ACYP2: variants seen among roughly 807,000 people sequenced by gnomAD.
ACYP2 encodes the protein acylphosphatase 2, also known as acylphosphatase-2.
ACYP2 carries 12 observed loss-of-function variants against 11.2 expected under a neutral mutation model. The ratio of observed to expected loss-of-function variants is 1.08; its 90% CI spans 0.69 to 1.74. The LOEUF (loss-of-function observed/expected upper bound fraction) is 1.74. Ranked by LOEUF, ACYP2 falls within the 40% of genes most tolerant of loss-of-function variation. The pLI, the probability that ACYP2 is intolerant of heterozygous loss-of-function variation, is 0.00. For synonymous variants in ACYP2, 43 were observed against 32.2 expected, an observed-to-expected ratio of 1.33 and a Z score of -1.13; for missense variants, 134 against 101.9, an observed-to-expected ratio of 1.31 and a Z score of -1.35.
chr2:54,199,920 C>T (rs1005473643), intron 6 of ACYP2, among the ~76,000 whole-genome samples: 6 of 152,208 alleles, frequency 3.9e-5, no homozygotes, highest in African/African-American at 1.4e-4. Context: ...CCTCTCTGGA[C>T]GATCCACCAA....
At chr2:54,000,273 G>A (rs1672742518) in intron 2 of ACYP2, among the ~76,000 whole-genome samples, 1 of 152,030 alleles carries the variant, frequency 6.6e-6, no homozygotes, top group African/African-American at 2.4e-5. Context: ...CCAAGAAAAA[G>A]TATGTCCCCA....
chr2:54,216,937 C>T (rs1268344600), intron 6 of ACYP2, among the ~76,000 whole-genome samples: 1 of 152,208 alleles, frequency 6.6e-6, no homozygotes, highest in African/African-American at 2.4e-5. Context: ...GAAGCCCTTT[C>T]TCACTTGCTC....
At chr2:54,102,078 A>G (rs1678925692) in intron 4 of ACYP2, among the ~76,000 whole-genome samples, 1 of 152,082 alleles carries the variant, frequency 6.6e-6, no homozygotes, top group African/African-American at 2.4e-5. Flanking sequence ...TGCCTCACCT[A>G]TTCATCCCTC....
intron 4 of ACYP2, among the ~76,000 whole-genome samples, chr2:54,116,062 G>C (rs1679772456): frequency 6.6e-6 from 1 of 152,168 alleles, no homozygotes; most frequent in African/African-American, 2.4e-5. Flanking sequence ...GAATGTTGAA[G>C]TTGGGTAGGA....
At chr2:54,084,595 G>A (rs1166179597) in intron 4 of ACYP2, 1 of 152,134 alleles carries the variant, frequency 6.6e-6, no homozygotes, top group Non-Finnish European at 1.5e-5. Context: ...CTCAGCCTCA[G>A]TTTATTTTTT....
At chr2:54,277,099 G>A (rs1192359228) in intron 6 of ACYP2, among the ~76,000 whole-genome samples, 3 of 152,030 alleles carry the variant, frequency 2.0e-5, no homozygotes, top group Non-Finnish European at 2.9e-5. Flanking sequence ...CATTCTTGAG[G>A]CAAAATCTTT....
intron 2 of ACYP2, among the ~76,000 whole-genome samples, chr2:54,007,829 C>T (rs1673160628): frequency 6.6e-6 from 1 of 151,958 alleles, no homozygotes; most frequent in Non-Finnish European, 1.5e-5. Context: ...CGTGCCACTG[C>T]AGTCCAGCCT....
chr2:54,030,259 C>G (rs1674513495), intron 2 of ACYP2, among the ~76,000 whole-genome samples: 1 of 152,160 alleles, frequency 6.6e-6, no homozygotes. Context: ...CTTAGACTCT[C>G]CAATGAATCT....
intron 6 of ACYP2, among the ~76,000 whole-genome samples, chr2:54,216,266 G>C (rs974966825): frequency 6.6e-6 from 1 of 152,026 alleles, no homozygotes; most frequent in Admixed American, 6.6e-5. Context: ...TGATTATCGA[G>C]GGTTTATAAT....
intron 2 of ACYP2, chr2:54,029,589 C>A (rs931798023): frequency 1.2e-4 from 47 of 387,820 alleles, no homozygotes; most frequent in African/African-American, 8.4e-4. Context: ...CAGTTGAATC[C>A]AGGTAACTTT....
chr2:54,198,041 G>C (rs1468030201), intron 6 of ACYP2, among the ~76,000 whole-genome samples: 3 of 144,970 alleles, frequency 2.1e-5, no homozygotes, highest in Non-Finnish European at 3.0e-5. Context: ...TGTATTTTAA[G>C]ACAGTTTCAC....
chr2:54,165,529 T>TCACACACACA (rs1266993483), intron 6 of ACYP2, among the ~76,000 whole-genome samples: 8 of 143,194 alleles, frequency 5.6e-5, no homozygotes, highest in Non-Finnish European at 1.1e-4. Context: ...TCTCTCTCTC[T>TCACACACACA]CTCTCTCACA....
chr2:54,044,446 GAAA>G (rs35003111), intron 2 of ACYP2, among the ~76,000 whole-genome samples: 13 of 139,466 alleles, frequency 9.3e-5, no homozygotes, highest in Admixed American at 2.9e-4. Flanking sequence ...AATACCAAAA[GAAA>G]AAAAAAAAAA....
chr2:54,045,063 A>G (rs906090362), intron 2 of ACYP2, among the ~76,000 whole-genome samples: 8 of 152,210 alleles, frequency 5.3e-5, no homozygotes, highest in African/African-American at 1.9e-4. Flanking sequence ...TGAACATTAT[A>G]AAATGTTAAG....
intron 2 of ACYP2, among the ~76,000 whole-genome samples, chr2:54,022,236 T>A (rs1674044440): frequency 6.6e-6 from 1 of 152,132 alleles, no homozygotes; most frequent in African/African-American, 2.4e-5. Context: ...TTTGAGAAGT[T>A]GTAGATATCA....
intron 6 of ACYP2, among the ~76,000 whole-genome samples, chr2:54,274,563 G>A (rs1378796923): frequency 1.4e-5 from 2 of 144,072 alleles, no homozygotes; most frequent in East Asian, 4.0e-4. Context: ...AAAGGCCAAG[G>A]CTGCAGTGAG....
At chr2:54,284,127 A>C (rs1688972508) in intron 6 of ACYP2, among the ~76,000 whole-genome samples, 1 of 152,220 alleles carries the variant, frequency 6.6e-6, no homozygotes, top group South Asian at 2.1e-4. Context: ...AGATTATAAC[A>C]GTTCTTATAA....
At chr2:54,296,119 T>G (rs1403375981) in intron 6 of ACYP2, among the ~76,000 whole-genome samples, 1 of 152,106 alleles carries the variant, frequency 6.6e-6, no homozygotes, top group Non-Finnish European at 1.5e-5. Flanking sequence ...AATAAACACA[T>G]AGACAATCAC....
intron 6 of ACYP2, among the ~76,000 whole-genome samples, chr2:54,252,377 G>C (rs1300608877): frequency 6.6e-6 from 1 of 151,990 alleles, no homozygotes; most frequent in Non-Finnish European, 1.5e-5. Flanking sequence ...CTTTATGCAT[G>C]TCTTTGAGTG....
Sources: allele counts gnomAD v4.1 joint callset (sites outside exome capture counted in the v4.1 genomes callset), GRCh38; gene constraint gnomAD v4.1.1; transcripts MANE v1.5; gene names NCBI Gene and HGNC (gene_info 2026-07-23, HGNC 2026-07-21).